TTYH3: variants seen among roughly 807,000 people sequenced by gnomAD.
TTYH3 encodes the protein protein tweety homolog 3.
Under a neutral mutation model 68.2 loss-of-function variants are expected in TTYH3, and 23 were observed. The observed-to-expected ratio is 0.34, with a 90% CI of 0.24 to 0.48. TTYH3 has a LOEUF of 0.48. TTYH3 is among the 20% of genes least tolerant of loss of function. TTYH3 has a pLI of 0.99. For synonymous variants in TTYH3, 360 were observed against 332.8 expected, an observed-to-expected ratio of 1.08 and a Z score of -0.89; for missense variants, 768 against 727.7, an observed-to-expected ratio of 1.06 and a Z score of -0.64.
intron 1 of TTYH3, among the ~76,000 whole-genome samples, chr7:2,634,544 C>A (rs1004505373): frequency 2.0e-5 from 3 of 151,162 alleles, no homozygotes; most frequent in Non-Finnish European, 4.4e-5. Context: ...TGGGCATCTG[C>A]CCCGTGGTTA....
At chr7:2,654,319 C>T (rs759906892) in intron 9 of TTYH3, among the ~76,000 whole-genome samples, 1 of 151,778 alleles carries the variant, frequency 6.6e-6, no homozygotes, top group Non-Finnish European at 1.5e-5. Context: ...TGCTTGAGCC[C>T]GGGAGTTCAA....
At chr7:2,658,611 G>C in intron 12 of TTYH3, 152 bp downstream of exon 12, 1 of 965,412 alleles carries the variant, frequency 1.0e-6, no homozygotes, top group Non-Finnish European at 1.5e-6. Context: ...TGCCCCAGGT[G>C]AACACGGTCC....
Position 2,647,160 on chromosome 7 carries a change from A to T in TTYH3, c.312A>T (p.Gly104=), listed in dbSNP as rs1786015266. ...TCTCCAGCGCCGGCATCGCAGTGGG[A>T]TTCTACGGCAACGGGGAGACCAGTG... The part of the protein sequence containing the change: ...TLVCSAGIAV[G]FYGNGETSDG... Residue 104 remains glycine (G), a synonymous_variant, in exon 3 of 14, where the codon GGA becomes GGT. Coordinates refer to ENST00000258796, the MANE Select transcript of TTYH3 (RefSeq NM_025250.3). 1 of 1,605,568 alleles carries T rather than the reference A, an allele frequency of 6.2e-7. No homozygotes were observed. The highest frequency in any genetic ancestry group is 8.5e-7 in the Non-Finnish European group (1 of 1,177,666).
chr7:2,641,418 C>T (rs1324592539), intron 1 of TTYH3, among the ~76,000 whole-genome samples: 11 of 135,124 alleles, frequency 8.1e-5, no homozygotes, highest in African/African-American at 1.2e-4. Flanking sequence ...GGCCCAGGGC[C>T]GAGACCAGGA....
In TTYH3 at chr7:2,647,389, C is replaced by A. The variant is rs1408144448; in HGVS notation, c.406-29C>A. 4.8e-6 allele frequency: 7 copies of A among 1,469,710 alleles called. No individual in the cohort carries two copies. In the South Asian group the frequency reaches 6.8e-5, roughly 14 times the overall value. 91.0% of individuals were successfully genotyped at this position (1,469,710 alleles called of 1,614,324 possible). Reference sequence around the variant, plus strand: ...ACTCTGGGGCGAGGCGGGCGCGCTCCCAGCCTCACGCCCGCGGGTCCGGCG... The same window carrying A: ...ACTCTGGGGCGAGGCGGGCGCGCTCACAGCCTCACGCCCGCGGGTCCGGCG... On this transcript the variant is annotated intron_variant, in intron 3 of 13. Coordinates refer to ENST00000258796, the MANE Select transcript of TTYH3 (RefSeq NM_025250.3).
chr7:2,654,765 TCTC>T (rs1219544861), intron 9 of TTYH3, among the ~76,000 whole-genome samples: 2 of 152,138 alleles, frequency 1.3e-5, no homozygotes, highest in African/African-American at 4.8e-5. Flanking sequence ...TGTGTCTTGA[TCTC>T]CTCTTCTTTT....
intron 13 of TTYH3, among the ~76,000 whole-genome samples, chr7:2,661,153 C>CG (rs1469413959): frequency 6.6e-6 from 1 of 152,184 alleles, no homozygotes; most frequent in Non-Finnish European, 1.5e-5. Context: ...CAGAGTAGCC[C>CG]GGGGGATGTC....
At chr7:2,657,087 C>T (rs1562719092) in intron 11 of TTYH3, among the ~76,000 whole-genome samples, 1 of 152,136 alleles carries the variant, frequency 6.6e-6, no homozygotes, top group East Asian at 1.9e-4. Context: ...CCTGAGTCTT[C>T]CCATTCAGTA....
In TTYH3 at chr7:2,647,205, C is replaced by G. The variant is rs375329873; in HGVS notation, c.357C>G (p.Thr119=). Residue 119 remains threonine, a synonymous_variant, in exon 3 of 14, where the codon ACC becomes ACG. Coordinates refer to ENST00000258796, the MANE Select transcript of TTYH3 (RefSeq NM_025250.3). ...GETSDGIHRA[T]YSLRHANRTV... ...CCAGTGATGGCATCCATAGGGCCAC[C>G]TACTCGCTCCGCCACGCCAACCGCA... 6.2e-7 allele frequency: 1 copy of G among 1,605,154 alleles called. No homozygotes were observed. The highest frequency in any genetic ancestry group is 1.3e-5 in the African/African-American group (1 of 74,870).
At position 2,652,182 on chromosome 7, in the gene TTYH3, C is replaced by T. The variant is rs143865218; in HGVS notation, c.872-5C>T. The T allele has an allele frequency of 1.1e-4, 185 of 1,613,166 alleles. No individual in the cohort carries two copies. In the African/African-American group the frequency reaches 1.9e-3, roughly 16 times the overall value. The stretch of plus-strand genomic sequence containing the variant: ...AGCTCAGCCTTCCCTGATGTCTCTC[C>T]GCAGACATCCTGCAGTACTACCTGG... On this transcript the variant is annotated splice_polypyrimidine_tract_variant and splice_region_variant and intron_variant, in intron 7 of 13. Coordinates refer to ENST00000258796, the MANE Select transcript of TTYH3 (RefSeq NM_025250.3).
In TTYH3 at chr7:2,662,146, G is replaced by A. The variant is rs991204074; in HGVS notation, c.*407G>A. ...GGACCCCTTCTTAGTTCACAGGCAC[G>A]GCTGGGGCCGCTCTGTGCTGGCGCC... On this transcript the variant is annotated 3_prime_UTR_variant, in exon 14 of 14. Transcript: ENST00000258796. 2.9e-5 allele frequency: 11 copies of A among 373,454 alleles called. No homozygotes were observed. Among genetic ancestry groups the A allele is most frequent in the South Asian group, 4.8e-5 (2 of 41,932 alleles). The allele number at this position is 373,454 out of a possible 1,614,324, so 23.1% of individuals were successfully genotyped here.
At position 2,652,751 on chromosome 7, in the gene TTYH3, T is replaced by C; in HGVS notation, c.928-167T>C. 6 of 614,290 alleles carry C rather than the reference T, an allele frequency of 9.8e-6. No individual in the cohort carries two copies. In the South Asian group the frequency reaches 1.2e-4, roughly 12 times the overall value. The allele number at this position is 614,290 out of a possible 1,614,324, so 38.1% of individuals were successfully genotyped here. ...CAGGGCTCTGTGGTCTCTGGGTGTG[T>C]CCCGGGGGAAGCAAGGGCAGGGAGT... On this transcript the variant is annotated intron_variant, in intron 8 of 13. Transcript: ENST00000258796.
chr7:2,643,317 T>C (rs527878192), intron 1 of TTYH3, among the ~76,000 whole-genome samples: 57 of 145,064 alleles, frequency 3.9e-4, no homozygotes, highest in Non-Finnish European at 7.3e-4. Flanking sequence ...ATGGCGCCAC[T>C]GCACTCCAGC....
Position 2,632,258 on chromosome 7 carries a change from G to A in TTYH3, c.103G>A (p.Glu35Lys). The stretch of plus-strand genomic sequence containing the variant: ...GGCCACTAGCAGCCAGTTCCGGCCC[G>A]AGGACACCGACTACCAGCAGGTGAC... ...WEATSSQFRP[E>K]DTDYQQALLL... Residue 35 changes from glutamate to lysine, a missense_variant, in exon 1 of 14, where the codon GAG (glutamate) becomes AAG (lysine). By Grantham distance (56) the Glu-to-Lys change is moderately conservative (BLOSUM62 1). Transcript: ENST00000258796. 6.3e-7 allele frequency: 1 copy of A among 1,585,222 alleles called. No individual in the cohort carries two copies.
chr7:2,632,542 C>G (rs1029921087), intron 1 of TTYH3, among the ~76,000 whole-genome samples: 1 of 152,162 alleles, frequency 6.6e-6, no homozygotes, highest in African/African-American at 2.4e-5. Flanking sequence ...CACGGCCCCC[C>G]TCCCGATTCT....
At chr7:2,634,388 T>G (rs952548323) in intron 1 of TTYH3, among the ~76,000 whole-genome samples, 1 of 152,126 alleles carries the variant, frequency 6.6e-6, no homozygotes, top group African/African-American at 2.4e-5. Context: ...TGGGTGGGCC[T>G]GGGCTGTGGC....
chr7:2,640,552 G>A (rs1433663569), intron 1 of TTYH3, among the ~76,000 whole-genome samples: 2 of 152,176 alleles, frequency 1.3e-5, no homozygotes, highest in Non-Finnish European at 2.9e-5. Flanking sequence ...CTGTGCAGGT[G>A]GCAGGCAGTG....
chr7:2,658,513 G>T (rs763419787), intron 12 of TTYH3, 54 bp downstream of exon 12: 205 of 1,555,568 alleles, frequency 1.3e-4, no homozygotes, highest in Non-Finnish European at 1.6e-4. Context: ...GCGGCTGAGA[G>T]CGCGGATCTG....
intron 12 of TTYH3, among the ~76,000 whole-genome samples, 190 bp downstream of exon 12, chr7:2,658,649 C>T (rs549143620): frequency 1.4e-4 from 21 of 152,352 alleles, no homozygotes; most frequent in Non-Finnish European, 2.6e-4. Flanking sequence ...CACATGGTCA[C>T]ATGGAGGTTC....
Sources: allele counts gnomAD v4.1 joint callset (sites outside exome capture counted in the v4.1 genomes callset), GRCh38; gene constraint gnomAD v4.1.1; transcripts MANE v1.5; gene names NCBI Gene and HGNC (gene_info 2026-07-23, HGNC 2026-07-21).